CEP85L: variants seen among roughly 807,000 people sequenced by gnomAD.
The protein encoded by CEP85L is centrosomal protein 85L, also known as centrosomal protein of 85 kDa-like.
A neutral mutation model predicts 100.3 loss-of-function variants in CEP85L; 60 were observed. That is an observed-to-expected ratio of 0.60 (90% CI 0.49 to 0.74). The LOEUF is 0.74. CEP85L is among the 30% of genes least tolerant of loss of function. The probability of loss-of-function intolerance (pLI) is 0.00; values close to 1 mark genes in which losing one functional copy is unlikely to be tolerated. For synonymous variants in CEP85L, 319 were observed against 322.7 expected, an observed-to-expected ratio of 0.99 and a Z score of 0.12; for missense variants, 973 against 936.2, an observed-to-expected ratio of 1.04 and a Z score of -0.51.
chr6:118,576,434 A>G (rs995066175), intron 2 of CEP85L, among the ~76,000 whole-genome samples: 11 of 152,260 alleles, frequency 7.2e-5, no homozygotes, highest in African/African-American at 2.7e-4. Context: ...GTCATGGACC[A>G]TCACTCCAGG....
At chr6:118,564,573 A>G (rs1453081985) in intron 3 of CEP85L, among the ~76,000 whole-genome samples, 1 of 152,216 alleles carries the variant, frequency 6.6e-6, no homozygotes, top group Non-Finnish European at 1.5e-5. Context: ...TGAATGTAGT[A>G]TGTTAGGGTT....
intron 2 of CEP85L, among the ~76,000 whole-genome samples, chr6:118,626,743 C>T (rs544467582): frequency 7.0e-4 from 106 of 152,142 alleles, no homozygotes; most frequent in Non-Finnish European, 1.3e-3. Flanking sequence ...TGTCACTCGC[C>T]GCAGTCAGCC....
rs149865678 is a variant in CEP85L at position 118,644,769 on chromosome 6, T to C, written c.73+6428A>G. Among the ~76,000 whole-genome samples, 1,501 of 152,220 alleles carry C rather than the reference T, an allele frequency of 9.9e-3. 36 individuals are homozygous for C. The highest frequency in any genetic ancestry group is 0.033 in the African/African-American group (1,390 of 41,516). ...CCAAATCCATTTTCTTCTCTCCAAA[T>C]CCAATCTAACCATTCTAACTCAAGC... On this transcript the variant is annotated intron_variant, in intron 1 of 12. Coordinates refer to ENST00000368491, the MANE Select transcript of CEP85L (RefSeq NM_001042475.3).
chr6:118,547,033 T>G (rs539053313), intron 3 of CEP85L, among the ~76,000 whole-genome samples: 1 of 152,274 alleles, frequency 6.6e-6, no homozygotes, highest in South Asian at 2.1e-4. Flanking sequence ...TTTAAGGGCA[T>G]GTAAGCAGCT....
intron 3 of CEP85L, among the ~76,000 whole-genome samples, chr6:118,529,102 G>A (rs566295711): frequency 6.6e-6 from 1 of 152,120 alleles, no homozygotes; most frequent in Admixed American, 6.6e-5. Context: ...AACAAAGGTG[G>A]AATAGTGATA....
At chr6:118,626,813 A>C (rs1773827987) in intron 2 of CEP85L, among the ~76,000 whole-genome samples, 1 of 152,220 alleles carries the variant, frequency 6.6e-6, no homozygotes, top group Non-Finnish European at 1.5e-5. Context: ...AAAGGATAAA[A>C]AGACAAGATA....
At chr6:118,489,746 T>A (rs1774424834) in intron 6 of CEP85L, among the ~76,000 whole-genome samples, 1 of 152,092 alleles carries the variant, frequency 6.6e-6, no homozygotes, top group Admixed American at 6.5e-5. Flanking sequence ...GTTCCTCAAA[T>A]AACTAAAAAT....
rs577775063 is a variant in CEP85L, at chr6:118,632,702, A to C, written c.74-91T>G. 559 of 912,972 alleles carry C rather than the reference A, an allele frequency of 6.1e-4. 3 individuals are homozygous for C. The highest frequency in any genetic ancestry group is 5.8e-4 in the Non-Finnish European group (370 of 634,756). The allele number at this position is 912,972 out of a possible 1,614,324, so 56.6% of individuals were successfully genotyped here. Reference sequence around the variant, plus strand: ...TTGTGGAAAATACACATAGGGTATAAAAGGTATAAAAGGTTCTTTTCTGCC... The same window carrying C: ...TTGTGGAAAATACACATAGGGTATACAAGGTATAAAAGGTTCTTTTCTGCC... On this transcript the variant is annotated intron_variant, in intron 1 of 12. Transcript: ENST00000368491.
Position 118,522,884 on chromosome 6 carries a change from A to T in CEP85L, c.1139+918T>A, listed in dbSNP as rs1018625831. On this transcript the variant is annotated intron_variant, in intron 4 of 12. Coordinates refer to ENST00000368491, the MANE Select transcript of CEP85L (RefSeq NM_001042475.3). ...ACAGACTGAGACTCCCAAAAAAAAA[A>T]AAAAATTGGGGGAATATAGTGGAGA... 1.3e-3 allele frequency among the ~76,000 whole-genome samples: 200 copies of T among 152,242 alleles called. 1 individual carries two copies. Among genetic ancestry groups the T allele is most frequent in the Non-Finnish European group, 1.9e-3 (132 of 68,014 alleles).
chr6:118,656,376 G>C (rs1775787554), upstream of CEP85L, among the ~76,000 whole-genome samples: 1 of 152,194 alleles, frequency 6.6e-6, no homozygotes, highest in Non-Finnish European at 1.5e-5. Flanking sequence ...TTTTACAATT[G>C]AAAAGCAAAT....
At chr6:118,702,930 A>C (rs1482313814) in intron 1 of CEP85L, among the ~76,000 whole-genome samples, 1 of 147,938 alleles carries the variant, frequency 6.8e-6, no homozygotes, top group Non-Finnish European at 1.5e-5. Context: ...TGGGAGGCGG[A>C]GCTTGCAGTG....
At chr6:118,543,693 T>C (rs1453587903) in intron 3 of CEP85L, among the ~76,000 whole-genome samples, 1 of 152,126 alleles carries the variant, frequency 6.6e-6, no homozygotes, top group African/African-American at 2.4e-5. Context: ...AAATAACATA[T>C]AATGGCAGAG....
chr6:118,625,354 C>T (rs1387109826), intron 2 of CEP85L, among the ~76,000 whole-genome samples: 1 of 152,208 alleles, frequency 6.6e-6, no homozygotes, highest in African/African-American at 2.4e-5. Flanking sequence ...GGAAAGTCTC[C>T]TTATACCCCA....
intron 5 of CEP85L, chr6:118,502,575 G>T: frequency 2.1e-6 from 1 of 473,862 alleles, no homozygotes; most frequent in South Asian, 2.0e-5. Flanking sequence ...AACAAACTTT[G>T]GCGCTCCGGT....
intron 3 of CEP85L, among the ~76,000 whole-genome samples, chr6:118,561,713 C>G (rs1779233927): frequency 6.6e-6 from 1 of 152,016 alleles, no homozygotes. Context: ...TTCTTGAAAA[C>G]TCAGTGGGGC....
At position 118,566,193 on chromosome 6, in the gene CEP85L, G is replaced by A. The variant is rs145379625; in HGVS notation, c.356C>T (p.Thr119Ile). The part of the protein sequence containing the change: ...ASISKLRESL[T>I]PDGSKWSTSL... ...TGTACTCCATTTTGAGCCATCTGGTGTCAATGATTCCCTAAGTTTGGAAAT... is the reference window on the plus strand; with the variant it reads ...TGTACTCCATTTTGAGCCATCTGGTATCAATGATTCCCTAAGTTTGGAAAT... Residue 119 changes from threonine to isoleucine, a missense_variant, in exon 3 of 13, where the codon ACA becomes ATA. Coordinates refer to ENST00000368491, the MANE Select transcript of CEP85L (RefSeq NM_001042475.3). 3.1e-5 allele frequency: 50 copies of A among 1,614,034 alleles called. No homozygotes were observed. The highest frequency in any genetic ancestry group is 4.5e-5 in the East Asian group (2 of 44,890).
chr6:118,675,259 C>T lies in CEP85L; in HGVS notation c.-27-22451G>A, dbSNP rs568973944. On this transcript the variant is annotated intron_variant, in intron 1 of 13. Transcript: ENST00000368488. ...TTTATGATTCCACATAAAATATATA[C>T]ACTTTATATTATATATATTGTCTAT... 3.9e-5 allele frequency among the ~76,000 whole-genome samples: 6 copies of T among 151,956 alleles called. 1 individual carries two copies. Among genetic ancestry groups the T allele is most frequent in the African/African-American group, 1.2e-4 (5 of 41,456 alleles).
chr6:118,632,588 G>C lies in CEP85L; in HGVS notation c.97C>G (p.Leu33Val). 3 of 1,611,358 alleles carry C rather than the reference G, an allele frequency of 1.9e-6. No homozygotes were observed. The highest frequency in any genetic ancestry group is 2.5e-6 in the Non-Finnish European group (3 of 1,179,068). ...TGCCACAATGATTCATTAGCAGGTA[G>C]CCATGCTGATGAATAATCTGGGCCT... ...PAGPDYSSAW[L>V]PANESLWQAT... Residue 33 changes from leucine to valine, a missense_variant, in exon 2 of 13, where the codon CTA (leucine) becomes GTA (valine). Around this residue, in one of 3 missense-constraint regions of CEP85L, gnomAD observed 79 missense variants for 73.3 expected, o/e 1.08. Transcript: ENST00000368491.
intron 2 of CEP85L, among the ~76,000 whole-genome samples, chr6:118,600,993 T>G (rs925836805): frequency 3.9e-5 from 6 of 152,214 alleles, no homozygotes; most frequent in African/African-American, 1.4e-4. Context: ...GCATATAAAG[T>G]TGTTTCTTAT....
Sources: allele counts gnomAD v4.1 joint callset (sites outside exome capture counted in the v4.1 genomes callset), GRCh38; gene constraint gnomAD v4.1.1; regional missense constraint gnomAD v4.1.1; transcripts MANE v1.5; gene names NCBI Gene and HGNC (gene_info 2026-07-23, HGNC 2026-07-21).